Variants in NPSR1 observed in about 807,000 individuals in gnomAD.
NPSR1 encodes the protein neuropeptide S receptor 1.
Under a neutral mutation model 46.9 loss-of-function variants are expected in NPSR1, and 48 were observed. That is an observed-to-expected ratio of 1.02 (90% CI 0.81 to 1.30). The LOEUF (loss-of-function observed/expected upper bound fraction) is 1.30. Among genes scored for constraint, NPSR1 ranks in the 50% most tolerant of loss-of-function variants. The probability of loss-of-function intolerance (pLI) is 0.00; values close to 1 mark genes in which losing one functional copy is unlikely to be tolerated. For missense variants in NPSR1, 450 were observed against 449.5 expected (o/e 1.00, Z -0.01); for synonymous variants, 176 against 168.1 (o/e 1.05, Z -0.36).
At chr7:34,803,036 A>T (rs1337295602) in intron 3 of NPSR1, among the ~76,000 whole-genome samples, 1 of 150,182 alleles carries the variant, frequency 6.7e-6, no homozygotes, top group Non-Finnish European at 1.5e-5. Context: ...CACACCAGTT[A>T]GAATGGCAAT....
At chr7:34,867,340 T>A (rs985544977) in intron 8 of NPSR1, among the ~76,000 whole-genome samples, 2 of 151,812 alleles carry the variant, frequency 1.3e-5, no homozygotes, top group Non-Finnish European at 2.9e-5. Flanking sequence ...CCATGTGAGA[T>A]AGGATATCCC....
At chr7:34,740,135 G>C (rs1461941079) in intron 2 of NPSR1, among the ~76,000 whole-genome samples, 1 of 152,124 alleles carries the variant, frequency 6.6e-6, no homozygotes, top group Middle Eastern at 3.4e-3. Flanking sequence ...ATGTTCCTGG[G>C]AGGATTATGC....
intron 4 of NPSR1, among the ~76,000 whole-genome samples, chr7:34,812,405 A>C (rs1206862059): frequency 6.6e-6 from 1 of 152,184 alleles, no homozygotes; most frequent in African/African-American, 2.4e-5. Flanking sequence ...GGTCAGAGGG[A>C]AGGCTGAGAC....
chr7:34,665,890 A>G (rs1436071123), intron 1 of NPSR1, among the ~76,000 whole-genome samples: 1 of 152,134 alleles, frequency 6.6e-6, no homozygotes, highest in Non-Finnish European at 1.5e-5. Flanking sequence ...ACACACACAG[A>G]CTAGATGTCA....
Position 34,765,352 on chromosome 7 carries a change from C to T in NPSR1, c.281-13110C>T, listed in dbSNP as rs559768802. Among the ~76,000 whole-genome samples, 49 of 152,136 alleles carry T rather than the reference C, an allele frequency of 3.2e-4. No homozygotes were observed. The East Asian group carries it at 7.7e-3, about 24-fold the overall frequency. The stretch of plus-strand genomic sequence containing the variant: ...ACTCCAATGTTGGAGCTATTAGACA[C>T]GGACTTTAAATAAAATAATTACAAT... On this transcript the variant is annotated intron_variant, in intron 2 of 8. Transcript: ENST00000360581.
At chr7:34,715,227 G>C (rs945044743) in intron 2 of NPSR1, among the ~76,000 whole-genome samples, 1 of 152,160 alleles carries the variant, frequency 6.6e-6, no homozygotes, top group African/African-American at 2.4e-5. Flanking sequence ...AGAAAAATCA[G>C]GAAACTCATA....
chr7:34,846,164 A>T (rs760579907), intron 7 of NPSR1, among the ~76,000 whole-genome samples: 1 of 152,136 alleles, frequency 6.6e-6, no homozygotes, highest in African/African-American at 2.4e-5. Context: ...GTCTTCTCAG[A>T]TAGTCAGAAG....
At chr7:34,793,939 A>C (rs1788054320) in intron 3 of NPSR1, among the ~76,000 whole-genome samples, 1 of 152,210 alleles carries the variant, frequency 6.6e-6, no homozygotes, top group African/African-American at 2.4e-5. Flanking sequence ...AACCTGGAGA[A>C]CATTGTGTCA....
chr7:34,807,642 A>G (rs1358298602), intron 3 of NPSR1, among the ~76,000 whole-genome samples: 1 of 152,038 alleles, frequency 6.6e-6, no homozygotes, highest in Non-Finnish European at 1.5e-5. Context: ...GTGGTTTAAA[A>G]TTTTTCTCTT....
intron 3 of NPSR1, among the ~76,000 whole-genome samples, chr7:34,810,372 G>T (rs1788921747): frequency 6.6e-6 from 1 of 152,158 alleles, no homozygotes; most frequent in Admixed American, 6.5e-5. Flanking sequence ...TCACATAAGA[G>T]AAATTAACTT....
At chr7:34,776,175 C>A (rs545097958) in intron 2 of NPSR1, among the ~76,000 whole-genome samples, 1 of 152,042 alleles carries the variant, frequency 6.6e-6, no homozygotes, top group Admixed American at 6.6e-5. Flanking sequence ...TTGAGAATGA[C>A]CCATGTGCTG....
intron 4 of NPSR1, among the ~76,000 whole-genome samples, chr7:34,825,532 C>T (rs971228580): frequency 3.9e-5 from 6 of 152,188 alleles, no homozygotes; most frequent in Non-Finnish European, 7.3e-5. Flanking sequence ...AAACCTGCAT[C>T]ATGAAGTTTG....
At chr7:34,771,701 C>T (rs549715464) in intron 2 of NPSR1, among the ~76,000 whole-genome samples, 7 of 152,258 alleles carry the variant, frequency 4.6e-5, no homozygotes, top group African/African-American at 4.8e-5. Flanking sequence ...TGAAGGCAGT[C>T]GAGCACTGAC....
At chr7:34,846,816 G>A (rs1313259038) in intron 7 of NPSR1, among the ~76,000 whole-genome samples, 1 of 152,178 alleles carries the variant, frequency 6.6e-6, no homozygotes, top group Non-Finnish European at 1.5e-5. Context: ...TAAAATACCT[G>A]TGTTTATGTG....
intron 2 of NPSR1, among the ~76,000 whole-genome samples, chr7:34,715,648 G>A (rs374838406): frequency 2.0e-5 from 3 of 152,224 alleles, no homozygotes; most frequent in East Asian, 1.9e-4. Context: ...TGGAGGCCAC[G>A]TGTTGAGATG....
chr7:34,779,803 CATG>C (rs1787152119), intron 3 of NPSR1: 1 of 253,766 alleles, frequency 3.9e-6, no homozygotes, highest in East Asian at 6.8e-5. Flanking sequence ...TATGACAAAA[CATG>C]GTGGCTTAAA....
intron 6 of NPSR1, among the ~76,000 whole-genome samples, chr7:34,841,860 G>T (rs1004477888): frequency 6.6e-6 from 1 of 152,162 alleles, no homozygotes; most frequent in African/African-American, 2.4e-5. Context: ...GCCAGCTGTT[G>T]CCTAGGAACA....
At chr7:34,868,242 C>T (rs1367685351) in intron 8 of NPSR1, among the ~76,000 whole-genome samples, 3 of 151,660 alleles carry the variant, frequency 2.0e-5, no homozygotes, top group East Asian at 1.9e-4. Flanking sequence ...TCTAAAACCT[C>T]TGCTCCCCCT....
At position 34,662,607 on chromosome 7, in the gene NPSR1, G is replaced by A. The variant is rs184905702; in HGVS notation, c.147+4048G>A. ...TTTTCTAATTAGTCTCGCTCAGTAT[G>A]TTCAATTTGAGTTTCTACAGTTGAA... On this transcript the variant is annotated intron_variant, in intron 1 of 8. Coordinates refer to ENST00000360581, the MANE Select transcript of NPSR1 (RefSeq NM_207172.2). Among the ~76,000 whole-genome samples, 278 of 152,224 alleles carry A rather than the reference G, an allele frequency of 1.8e-3. 6 individuals carry two copies. The highest frequency in any genetic ancestry group is 1.2e-3 in the Non-Finnish European group (80 of 68,014).
Sources: allele counts gnomAD v4.1 joint callset (sites outside exome capture counted in the v4.1 genomes callset), GRCh38; gene constraint gnomAD v4.1.1; transcripts MANE v1.5; gene names NCBI Gene and HGNC (gene_info 2026-07-23, HGNC 2026-07-21).